TSC1: variants seen among roughly 807,000 people sequenced by gnomAD.
TSC1 encodes TSC complex subunit 1.
Under a neutral mutation model 124.3 loss-of-function variants are expected in TSC1, and 20 were observed. The observed-to-expected ratio is 0.16, with a 90% confidence interval of 0.11 to 0.23. The LOEUF is 0.23. TSC1 is among the 10% of genes least tolerant of loss of function. The pLI is 1.00. For missense variants in TSC1, 1,124 were observed against 1,448.5 expected (o/e 0.78, Z 3.64); for synonymous variants, 493 against 539.1 (o/e 0.91, Z 1.19).
chr9:132,910,977 C>T (rs1845924202), intron 11 of TSC1, 25 bp downstream of exon 11: 5 of 1,606,854 alleles, frequency 3.1e-6, no homozygotes, highest in Non-Finnish European at 4.3e-6. Flanking sequence ...ACCAACTAAT[C>T]AAATCCAACC....
chr9:132,907,942 C>A (rs1845756953), intron 12 of TSC1, among the ~76,000 whole-genome samples: 1 of 152,112 alleles, frequency 6.6e-6, no homozygotes, highest in Non-Finnish European at 1.5e-5. Flanking sequence ...TAAAAAGTAG[C>A]CGGGCATGGT....
At chr9:132,899,755 G>A (rs1039977261) in intron 20 of TSC1, 1 of 152,166 alleles carries the variant, frequency 6.6e-6, no homozygotes, top group African/African-American at 2.4e-5. Context: ...GCTACTCAAG[G>A]TCCCAAACAG....
At position 132,893,469 on chromosome 9, in the gene TSC1, T is replaced by C. The variant is rs780158617; in HGVS notation, c.*2766A>G. 4 of 233,330 alleles carry C rather than the reference T, an allele frequency of 1.7e-5. No individual in the cohort carries two copies. The highest frequency in any genetic ancestry group is 1.7e-5 in the Non-Finnish European group (2 of 118,056). The allele number at this position is 233,330 out of a possible 1,614,324, so 14.5% of individuals were successfully genotyped here. On this transcript the variant is annotated 3_prime_UTR_variant, in exon 23 of 23. Coordinates refer to ENST00000298552, the MANE Select transcript of TSC1 (RefSeq NM_000368.5). ...AAGTTCTATCAGATGCAGATCTGTG[T>C]GTTTATTCACCTGCAGGGACTCCGG...
In TSC1 at chr9:132,921,668, A is replaced by G; in HGVS notation, c.663+151T>C. 1.8e-6 allele frequency: 2 copies of G among 1,101,490 alleles called. No individual in the cohort carries two copies. Among genetic ancestry groups the G allele is most frequent in the Non-Finnish European group, 2.7e-6 (2 of 739,950 alleles). 68.2% of individuals were successfully genotyped at this position (1,101,490 alleles called of 1,614,324 possible). A position where few individuals can be genotyped will look rare whatever the true frequency, so the allele number is the denominator to read the frequency against. On this transcript the variant is annotated intron_variant, in intron 7 of 22. Coordinates refer to ENST00000298552, the MANE Select transcript of TSC1 (RefSeq NM_000368.5). The surrounding 1 kb of genome is among the most constrained non-coding windows in gnomAD (Gnocchi z 4.3). The stretch of plus-strand genomic sequence containing the variant: ...AGGCAAATCTATTAAGACAGAAAAC[A>G]GATTAGTGGCTGCCTAGGGATTGGA...
At chr9:132,909,680 G>C (rs970670847) in intron 12 of TSC1, 13 of 152,116 alleles carry the variant, frequency 8.5e-5, no homozygotes, top group Admixed American at 3.9e-4. Context: ...ATCATACCCT[G>C]GTATGCAGTA....
intron 2 of TSC1, 98 bp from the exon 3 acceptor site, chr9:132,929,050 A>G (rs2132300062): frequency 4.5e-6 from 5 of 1,109,822 alleles, no homozygotes; most frequent in Admixed American, 2.8e-5. Flanking sequence ...TGTTCAATGC[A>G]ATGGAAAGTT....
intron 15 of TSC1, 111 bp from the exon 16 acceptor site, chr9:132,904,565 A>G (rs1311350405): frequency 1.9e-6 from 2 of 1,053,600 alleles, no homozygotes; most frequent in Non-Finnish European, 2.9e-6. Flanking sequence ...CAAAATCTGC[A>G]ATGGCATAAG....
rs1179253808 is a variant in TSC1 at position 132,892,983 on chromosome 9, C to T, written c.*3252G>A. On this transcript the variant is annotated 3_prime_UTR_variant, in exon 23 of 23. Coordinates refer to ENST00000298552, the MANE Select transcript of TSC1 (RefSeq NM_000368.5). ...GAGTCTGGAGTTTTGTTCCCTGCTG[C>T]CCTGCTTTTACCCAGTAATGTGCGG... 1 of 233,202 alleles carries T rather than the reference C, an allele frequency of 4.3e-6. No homozygotes were observed. Among genetic ancestry groups the T allele is most frequent in the Admixed American group, 5.6e-5 (1 of 17,784 alleles). 14.4% of individuals were successfully genotyped at this position (233,202 alleles called of 1,614,324 possible). A position where few individuals can be genotyped will look rare whatever the true frequency, so the allele number is the denominator to read the frequency against.
chr9:132,912,569 G>C, intron 8 of TSC1, 112 bp from the exon 9 acceptor site: 9 of 1,233,934 alleles, frequency 7.3e-6, no homozygotes, highest in Non-Finnish European at 1.0e-5. Flanking sequence ...GAACAAGCGG[G>C]ACCATGCCAG....
chr9:132,897,546 T>A lies in TSC1; in HGVS notation c.2690A>T (p.Gln897Leu), dbSNP rs772324460. ...GGAGGTATCAAGCCTCTGAGTCTGC[T>A]GGAGAACATGGCTTCTGTTTTTTTC... ...ELEKNRSHVL[Q>L]QTQRLDTSQK... The change falls in exon 21 of 23, where the codon CAG becomes CTG. Residue 897 changes from glutamine to leucine, a missense_variant. Transcript: ENST00000298552. 4.3e-6 allele frequency: 7 copies of A among 1,609,810 alleles called. No individual in the cohort carries two copies. The South Asian group carries it at 7.7e-5, about 18-fold the overall frequency.
In TSC1 at chr9:132,907,365, C is replaced by G. The variant is rs1272450087; in HGVS notation, c.1269G>C (p.Glu423Asp). ...QATVTPPRKE[E>D]RMDSARPCLH... ...GACATGGTCTTGCAGAATCCATTCT[C>G]TCTTCCTGAAAAGATAAGTATCATT... The change falls in exon 13 of 23, where the codon GAG becomes GAC. Residue 423 changes from glutamate to aspartate, a missense_variant. By Grantham distance (45) the Glu-to-Asp change is conservative. Transcript: ENST00000298552. The G allele has an allele frequency of 6.2e-7, 1 of 1,613,406 alleles. No homozygotes were observed. The highest frequency in any genetic ancestry group is 8.5e-7 in the Non-Finnish European group (1 of 1,179,436).
At chr9:132,935,555 A>G (rs1847415372) in intron 1 of TSC1, among the ~76,000 whole-genome samples, 1 of 152,216 alleles carries the variant, frequency 6.6e-6, no homozygotes. Context: ...GATGCATTCC[A>G]TTGCCCTCGG....
chr9:132,936,147 G>T (rs1427027084), intron 1 of TSC1, among the ~76,000 whole-genome samples: 1 of 151,962 alleles, frequency 6.6e-6, no homozygotes, highest in Non-Finnish European at 1.5e-5. Context: ...TAGAGACAGG[G>T]TCTCACTCTT....
Position 132,896,444 on chromosome 9 carries a change from A to G in TSC1, c.3286T>C (p.Phe1096Leu), listed in dbSNP as rs1845049012. ...SFLGMKAREL[F>L]RNKSESQCDE... Reference sequence around the variant, plus strand: ...CACTGGCTCTCGCTCTTATTACGAAATAACTCTCGAGCCTTCATACCCAGG... The same window carrying G: ...CACTGGCTCTCGCTCTTATTACGAAGTAACTCTCGAGCCTTCATACCCAGG... Residue 1096 changes from phenylalanine to leucine, a missense_variant, in exon 23 of 23, where the codon TTT becomes CTT. By Grantham distance (22) the Phe-to-Leu change is conservative (BLOSUM62 0). This residue lies in a region of TSC1 where 325 missense variants were observed against 383.4 expected (regional missense o/e 0.85). Coordinates refer to ENST00000298552, the MANE Select transcript of TSC1 (RefSeq NM_000368.5). The surrounding 1 kb of genome is among the most constrained non-coding windows in gnomAD (Gnocchi z 4.5). 6.2e-7 allele frequency: 1 copy of G among 1,614,156 alleles called. No homozygotes were observed. Among genetic ancestry groups the G allele is most frequent in the Non-Finnish European group, 8.5e-7 (1 of 1,180,022 alleles).
intron 19 of TSC1, 77 bp downstream of exon 19, chr9:132,901,512 T>G: frequency 7.5e-7 from 1 of 1,338,834 alleles, no homozygotes; most frequent in Non-Finnish European, 1.1e-6. Context: ...AAGTAATCTA[T>G]TTCTTTAACC....
intron 18 of TSC1, 140 bp from the exon 19 acceptor site, chr9:132,901,839 C>G (rs779107682): frequency 2.4e-4 from 168 of 703,984 alleles, no homozygotes; most frequent in Non-Finnish European, 4.1e-5. Context: ...AATTTGATGT[C>G]TTAGTTTTAA....
Position 132,923,218 on chromosome 9 carries a change from C to T in TSC1, c.508+130G>A. 2 of 1,298,724 alleles carry T rather than the reference C, an allele frequency of 1.5e-6. No homozygotes were observed. Among genetic ancestry groups the T allele is most frequent in the Non-Finnish European group, 2.1e-6 (2 of 953,576 alleles). The allele number at this position is 1,298,724 out of a possible 1,614,324, so 80.5% of individuals were successfully genotyped here. A position where few individuals can be genotyped will look rare whatever the true frequency, so the allele number is the denominator to read the frequency against. On this transcript the variant is annotated intron_variant, in intron 6 of 22. Transcript: ENST00000298552. This position sits in a 1 kb window ranked among gnomAD's most constrained non-coding sequence, Gnocchi z 4.2. ...GGATGCACCCAAGATATTCCCTCAT[C>T]TGTCTGGTGAAAACCACTCATTTCA... is the stretch of plus-strand genomic sequence containing the variant.
In TSC1 at chr9:132,894,764, A is replaced by G. The variant is rs1206823053; in HGVS notation, c.*1471T>C. On this transcript the variant is annotated 3_prime_UTR_variant, in exon 23 of 23. Transcript: ENST00000298552. Reference sequence around the variant, plus strand: ...GCCTCCGTGGGCACTAAGATTTCGTACCGTGACAGTTTTTTACCTCTTTAT... The same window carrying G: ...GCCTCCGTGGGCACTAAGATTTCGTGCCGTGACAGTTTTTTACCTCTTTAT... 2 of 225,078 alleles carry G rather than the reference A, an allele frequency of 8.9e-6. No homozygotes were observed. The highest frequency in any genetic ancestry group is 1.8e-5 in the Non-Finnish European group (2 of 113,440). The allele number at this position is 225,078 out of a possible 1,614,324, so 13.9% of individuals were successfully genotyped here. A position where few individuals can be genotyped will look rare whatever the true frequency, so the allele number is the denominator to read the frequency against.
At position 132,925,608 on chromosome 9, in the gene TSC1, A is replaced by G. The variant is rs754220721; in HGVS notation, c.342T>C (p.Pro114=). The G allele has an allele frequency of 1.2e-6, 2 of 1,614,258 alleles. No individual in the cohort carries two copies. Among genetic ancestry groups the G allele is most frequent in the South Asian group, 2.2e-5 (2 of 91,086 alleles). ...KHKLSQAPLL[P]SLLKCLKMDT... Reference sequence around the variant, plus strand: ...CTACCTTGAGACATTTTAGTAAAGAAGGCAAAAGAGGTGCTTGAGAGAGCT... The same window carrying G: ...CTACCTTGAGACATTTTAGTAAAGAGGGCAAAAGAGGTGCTTGAGAGAGCT... The change falls in exon 5 of 23, where the codon CCT becomes CCC. Residue 114 remains proline (P), a synonymous_variant. Transcript: ENST00000298552.
Sources: gnomAD v4.1 joint callset for allele counts (sites outside exome capture counted in the v4.1 genomes callset) on GRCh38, gnomAD v4.1.1 for gene constraint, gnomAD v4.1.1 regional missense constraint, Gnocchi (gnomAD v3.1) non-coding constraint, MANE v1.5 for transcripts, NCBI Gene and HGNC (gene_info 2026-07-23, HGNC 2026-07-21) for gene names.